MYRIP: variants seen among roughly 807,000 people sequenced by gnomAD.
MYRIP encodes the protein rab effector MyRIP.
Under a neutral mutation model 98.0 loss-of-function variants are expected in MYRIP, and 49 were observed. The ratio of observed to expected loss-of-function variants is 0.50; its 90% CI spans 0.40 to 0.63. The LOEUF is 0.63. Among genes scored for constraint, MYRIP ranks in the 30% least tolerant of loss-of-function variants. The pLI is 0.00. For missense variants in MYRIP, 1,004 were observed against 1,058.2 expected (o/e 0.95, Z 0.71); for synonymous variants, 404 against 409.5 (o/e 0.99, Z 0.16).
intron 1 of MYRIP, among the ~76,000 whole-genome samples, chr3:39,888,434 T>G (rs554315527): frequency 1.3e-4 from 19 of 151,998 alleles, no homozygotes; most frequent in Non-Finnish European, 2.8e-4. Context: ...GGGGAAAGGA[T>G]TCCCTATTTA....
rs538973966 is a variant in MYRIP at position 40,016,281 on chromosome 3, C to T, written c.111-27769C>T. ...TTCTGCTTTGATATTTTAGTAATGG[C>T]TGTTGGTGCCTCATCCAGAACCCCT... is the stretch of plus-strand genomic sequence containing the variant. On this transcript the variant is annotated intron_variant, in intron 2 of 16. Coordinates refer to ENST00000302541, the MANE Select transcript of MYRIP (RefSeq NM_015460.4). Among the ~76,000 whole-genome samples the T allele has an allele frequency of 5.9e-5, 9 of 152,206 alleles. No individual in the cohort carries two copies. The East Asian group carries it at 1.5e-3, about 26-fold the overall frequency.
chr3:40,115,794 C>CTT lies in MYRIP; in HGVS notation c.333-35241_333-35240dup, dbSNP rs375597220. ...GATTCCCAGTCCCTGGTTCACAGTT[C>CTT]TTTTTTTTTTTTTTATGTGATGCTC... On this transcript the variant is annotated intron_variant, in intron 3 of 16. Transcript: ENST00000302541. Among the ~76,000 whole-genome samples the CTT allele has an allele frequency of 1.3e-3, 186 of 141,554 alleles. 2 individuals carry two copies. The highest frequency in any genetic ancestry group is 4.5e-3 in the African/African-American group (173 of 38,654). 92.9% of individuals were successfully genotyped at this position (141,554 alleles called of 152,430 possible). A position where few individuals can be genotyped will look rare whatever the true frequency, so the allele number is the denominator to read the frequency against.
chr3:40,157,454 CTCT>C (rs1950269463), intron 4 of MYRIP, among the ~76,000 whole-genome samples: 1 of 150,348 alleles, frequency 6.7e-6, no homozygotes, highest in African/African-American at 2.5e-5. Context: ...GTCTAAAATT[CTCT>C]TTTTTGGTTG....
intron 2 of MYRIP, among the ~76,000 whole-genome samples, chr3:40,031,309 A>G (rs957722849): frequency 1.3e-5 from 2 of 152,096 alleles, no homozygotes; most frequent in Non-Finnish European, 2.9e-5. Flanking sequence ...TAAAAACATC[A>G]CACTGGGGGT....
At chr3:40,137,822 A>G (rs1258572486) in intron 3 of MYRIP, among the ~76,000 whole-genome samples, 3 of 152,206 alleles carry the variant, frequency 2.0e-5, no homozygotes, top group African/African-American at 7.2e-5. Context: ...TGACTAAATC[A>G]ATGAACCAAG....
chr3:39,893,674 TCACA>T (rs66667492), intron 1 of MYRIP, among the ~76,000 whole-genome samples: 44,103 of 146,970 alleles, frequency 0.3, 6,533 homozygotes, highest in Middle Eastern at 0.46. Context: ...TAAGTGGAAA[TCACA>T]CACACACACA....
intron 2 of MYRIP, among the ~76,000 whole-genome samples, chr3:39,933,905 A>C (rs78072109): frequency 0.011 from 1,720 of 152,292 alleles, 31 homozygotes; most frequent in East Asian, 0.095. Flanking sequence ...TCTGGTTCTC[A>C]AAAGTAGGCT....
chr3:40,187,623 G>C (rs549264641), intron 9 of MYRIP, among the ~76,000 whole-genome samples: 1 of 152,180 alleles, frequency 6.6e-6, no homozygotes, highest in Admixed American at 6.5e-5. Context: ...CTCTGGCTTC[G>C]AGACCACTGG....
intron 3 of MYRIP, among the ~76,000 whole-genome samples, chr3:40,074,401 C>T (rs1948297552): frequency 6.6e-6 from 1 of 151,978 alleles, no homozygotes; most frequent in South Asian, 2.1e-4. Context: ...GAAAAACTCA[C>T]AAAGGAATTT....
At chr3:40,173,895 A>T (rs530822957) in intron 8 of MYRIP, 1 of 152,260 alleles carries the variant, frequency 6.6e-6, no homozygotes, top group Non-Finnish European at 1.5e-5. Context: ...TTTGACATCA[A>T]TGTAAAGAGA....
chr3:39,923,660 CAG>C (rs1332824844), intron 2 of MYRIP, among the ~76,000 whole-genome samples: 4 of 152,012 alleles, frequency 2.6e-5, no homozygotes, highest in Non-Finnish European at 5.9e-5. Context: ...GAAGTGATAA[CAG>C]AAGAAATCCT....
chr3:40,033,990 A>G (rs1397929944), intron 2 of MYRIP, among the ~76,000 whole-genome samples: 1 of 152,150 alleles, frequency 6.6e-6, no homozygotes, highest in Non-Finnish European at 1.5e-5. Flanking sequence ...CCTATTTAAT[A>G]AATGGTGCTG....
intron 2 of MYRIP, among the ~76,000 whole-genome samples, chr3:39,957,408 A>G (rs554977546): frequency 5.9e-5 from 9 of 152,306 alleles, no homozygotes; most frequent in Admixed American, 3.3e-4. Context: ...CATCATATAA[A>G]CAGAACCAAC....
intron 2 of MYRIP, among the ~76,000 whole-genome samples, chr3:39,917,731 C>CCAGATGATG (rs199817246): frequency 0.44 from 66,652 of 151,450 alleles, 14,876 homozygotes; most frequent in East Asian, 0.54. Context: ...ATGCCCAAGA[C>CCAGATGATG]CCCAAGTCTG....
intron 1 of MYRIP, among the ~76,000 whole-genome samples, chr3:39,889,484 A>G (rs1253749089): frequency 2.0e-5 from 3 of 152,298 alleles, no homozygotes; most frequent in Middle Eastern, 3.4e-3. Flanking sequence ...AACAATGAGA[A>G]CACATGGACA....
At chr3:39,921,537 G>A (rs372596702) in intron 2 of MYRIP, among the ~76,000 whole-genome samples, 15 of 152,256 alleles carry the variant, frequency 9.9e-5, no homozygotes, top group African/African-American at 3.6e-4. Flanking sequence ...TACAAAATTT[G>A]CACATATTCA....
Position 40,056,124 on chromosome 3 carries a change from T to C in MYRIP, c.332+11853T>C, listed in dbSNP as rs560735184. ...TCTTTAGCGAGCTTGTGTGGTTCTT[T>C]GAAGATCATCAGCTTGCTTTGGGAA... On this transcript the variant is annotated intron_variant, in intron 3 of 16. Coordinates refer to ENST00000302541, the MANE Select transcript of MYRIP (RefSeq NM_015460.4). 9.2e-5 allele frequency among the ~76,000 whole-genome samples: 14 copies of C among 152,330 alleles called. No homozygotes were observed. In the East Asian group the frequency reaches 2.5e-3, roughly 27 times the overall value.
intron 1 of MYRIP, among the ~76,000 whole-genome samples, chr3:39,891,869 C>G (rs955636623): frequency 1.3e-5 from 2 of 151,668 alleles, no homozygotes; most frequent in African/African-American, 4.8e-5. Context: ...AATTTTAGGA[C>G]TACTAACCAT....
At chr3:39,844,074 T>C (rs1941890438) in intron 1 of MYRIP, among the ~76,000 whole-genome samples, 1 of 152,190 alleles carries the variant, frequency 6.6e-6, no homozygotes, top group South Asian at 2.1e-4. Context: ...TGTTCGAGCT[T>C]CCACATAGGC....
Sources: allele counts gnomAD v4.1 joint callset (sites outside exome capture counted in the v4.1 genomes callset), GRCh38; gene constraint gnomAD v4.1.1; transcripts MANE v1.5; gene names NCBI Gene and HGNC (gene_info 2026-07-23, HGNC 2026-07-21).